Variants in RAD51B observed in about 807,000 individuals in gnomAD.
RAD51B encodes the protein DNA repair protein RAD51 homolog 2.
In RAD51B, 38 loss-of-function variants were observed where a neutral mutation model predicts 42.2. That is an observed-to-expected ratio of 0.90 (90% CI 0.70 to 1.18). The LOEUF (loss-of-function observed/expected upper bound fraction) is 1.18, where lower values mean the gene tolerates loss of function less well. Among genes scored for constraint, RAD51B ranks in the 50% most tolerant of loss-of-function variants. RAD51B has a pLI of 0.00. For missense variants in RAD51B, 373 were observed against 400.7 expected (o/e 0.93, Z 0.59); for synonymous variants, 154 against 145.2 (o/e 1.06, Z -0.43).
intron 7 of RAD51B, among the ~76,000 whole-genome samples, chr14:67,960,703 C>G (rs916987695): frequency 2.6e-5 from 4 of 152,168 alleles, no homozygotes; most frequent in Non-Finnish European, 5.9e-5. Flanking sequence ...GGGTCTAGCT[C>G]TCTTGCTCAG....
chr14:68,285,223 T>C (rs1239643963), intron 7 of RAD51B, among the ~76,000 whole-genome samples: 1 of 152,206 alleles, frequency 6.6e-6, no homozygotes, highest in Non-Finnish European at 1.5e-5. Context: ...AAGCAAGGCA[T>C]TCAGTAACCC....
At chr14:68,493,538 GTT>G (rs913701383) in intron 10 of RAD51B, among the ~76,000 whole-genome samples, 2 of 152,214 alleles carry the variant, frequency 1.3e-5, no homozygotes, top group African/African-American at 4.8e-5. Context: ...TTGCACATTT[GTT>G]GTGCTTTCCA....
At chr14:68,121,085 G>A (rs2077643081) in intron 7 of RAD51B, among the ~76,000 whole-genome samples, 1 of 152,124 alleles carries the variant, frequency 6.6e-6, no homozygotes, top group South Asian at 2.1e-4. Flanking sequence ...GTGTCCCTGA[G>A]ATCATGAAAT....
chr14:67,858,846 C>G (rs1007154115), intron 4 of RAD51B, among the ~76,000 whole-genome samples: 1 of 152,198 alleles, frequency 6.6e-6, no homozygotes, highest in African/African-American at 2.4e-5. Context: ...ATTTCAAGAT[C>G]CACTTTCAAC....
intron 11 of RAD51B, among the ~76,000 whole-genome samples, chr14:68,664,394 A>G (rs568447511): frequency 1.3e-5 from 2 of 152,248 alleles, no homozygotes; most frequent in East Asian, 1.9e-4. Context: ...CCACAATGAT[A>G]TTCTTACCAA....
rs368359518 is a variant in RAD51B, at chr14:68,673,628, GCA to G, written c.*11+22779_*11+22780del. On this transcript the variant is annotated intron_variant, in intron 11 of 11. Transcript: ENST00000488612. The stretch of plus-strand genomic sequence containing the variant: ...GCACACACACACGTACACATACTGT[GCA>G]CACACATATGTATACATGCACACAC... Among the ~76,000 whole-genome samples the G allele has an allele frequency of 2.7e-3, 398 of 147,628 alleles. 5 individuals carry two copies. The highest frequency in any genetic ancestry group is 9.7e-3 in the African/African-American group (381 of 39,248).
chr14:68,629,574 T>C (rs1318423254), intron 10 of RAD51B, among the ~76,000 whole-genome samples: 1 of 152,136 alleles, frequency 6.6e-6, no homozygotes. Context: ...GAAGGGAAAT[T>C]GCTGCCCTTC....
At chr14:68,218,631 A>G (rs956935378) in intron 7 of RAD51B, among the ~76,000 whole-genome samples, 32 of 152,268 alleles carry the variant, frequency 2.1e-4, no homozygotes, top group African/African-American at 7.2e-4. Context: ...TATGACATCA[A>G]TATATGAATC....
intron 7 of RAD51B, among the ~76,000 whole-genome samples, chr14:67,995,223 TA>T (rs1273086764): frequency 6.6e-6 from 1 of 151,848 alleles, no homozygotes; most frequent in Non-Finnish European, 1.5e-5. Context: ...CCATCTCTAT[TA>T]AAAATATAAA....
Position 68,468,236 on chromosome 14 carries a change from G to A in RAD51B, c.1022G>A (p.Gly341Asp). 1 of 1,613,638 alleles carries A rather than the reference G, an allele frequency of 6.2e-7. No homozygotes were observed. The highest frequency in any genetic ancestry group is 8.5e-7 in the Non-Finnish European group (1 of 1,179,580). Reference protein sequence around the residue: ...TSFVYTIKEEGLVLQGQEKP With the variant: ...TSFVYTIKEEDLVLQGQEKP ...TTTGTCTACACCATCAAGGAGGAAG[G>A]CCTGGTTCTTCAAGGTAAGATCCTT... is the stretch of plus-strand genomic sequence containing the variant. Residue 341 changes from glycine to aspartate, a missense_variant, in exon 10 of 11, where the codon GGC becomes GAC. Gly to Asp is a moderately conservative substitution (Grantham distance 94, BLOSUM62 -1). Coordinates refer to ENST00000471583, the MANE Select transcript of RAD51B (RefSeq NM_133510.4).
At chr14:68,195,494 A>G (rs1348212301) in intron 7 of RAD51B, among the ~76,000 whole-genome samples, 4 of 152,188 alleles carry the variant, frequency 2.6e-5, no homozygotes, top group Admixed American at 2.0e-4. Context: ...TAAAAAATAC[A>G]TCCATGATAC....
At chr14:68,207,082 A>G (rs1179790810) in intron 7 of RAD51B, among the ~76,000 whole-genome samples, 1 of 151,682 alleles carries the variant, frequency 6.6e-6, no homozygotes, top group South Asian at 2.1e-4. Context: ...GAGCCACCGC[A>G]CCCGGCCACC....
chr14:67,904,046 G>A (rs1028208631), intron 7 of RAD51B, among the ~76,000 whole-genome samples: 1 of 151,654 alleles, frequency 6.6e-6, no homozygotes, highest in East Asian at 1.9e-4. Flanking sequence ...TAGGATAATG[G>A]CCTCCAGCTC....
chr14:67,925,127 T>C (rs1008624099), intron 7 of RAD51B, among the ~76,000 whole-genome samples: 1 of 152,226 alleles, frequency 6.6e-6, no homozygotes, highest in East Asian at 1.9e-4. Context: ...GTCATGCTGA[T>C]GCAAGAAGTG....
At chr14:68,121,567 A>G (rs781714767) in intron 7 of RAD51B, among the ~76,000 whole-genome samples, 6 of 152,200 alleles carry the variant, frequency 3.9e-5, no homozygotes, top group Non-Finnish European at 7.3e-5. Flanking sequence ...AAGCATTTCC[A>G]TAAACTTATT....
intron 11 of RAD51B, among the ~76,000 whole-genome samples, chr14:68,668,609 C>A (rs1334336849): frequency 6.6e-6 from 1 of 152,200 alleles, no homozygotes; most frequent in Non-Finnish European, 1.5e-5. Flanking sequence ...ACATGGGGAT[C>A]TATTTGTCAC....
chr14:68,009,620 A>C (rs559110353), intron 7 of RAD51B, among the ~76,000 whole-genome samples: 21 of 152,002 alleles, frequency 1.4e-4, no homozygotes, highest in Admixed American at 9.2e-4. Context: ...TTCTTCCAAC[A>C]TGAATATCCA....
At chr14:68,068,452 G>A (rs2076689574) in intron 7 of RAD51B, among the ~76,000 whole-genome samples, 2 of 152,012 alleles carry the variant, frequency 1.3e-5, no homozygotes, top group African/African-American at 4.8e-5. Flanking sequence ...TTATTTTTAT[G>A]ACTTCACTGC....
At chr14:67,937,353 T>C (rs1443194011) in intron 7 of RAD51B, among the ~76,000 whole-genome samples, 1 of 152,196 alleles carries the variant, frequency 6.6e-6, no homozygotes, top group Non-Finnish European at 1.5e-5. Flanking sequence ...GAGAAAAGAA[T>C]AGTTGTTTCC....
Sources: allele counts gnomAD v4.1 joint callset (sites outside exome capture counted in the v4.1 genomes callset), GRCh38; gene constraint gnomAD v4.1.1; transcripts MANE v1.5; gene names NCBI Gene and HGNC (gene_info 2026-07-23, HGNC 2026-07-21).